The following STPG2 variants were observed in gnomAD, a reference collection of about 807,000 sequenced individuals.
STPG2 encodes the protein sperm tail PG-rich repeat containing 2, also known as sperm-tail PG-rich repeat-containing protein 2.
A neutral mutation model predicts 54.2 loss-of-function variants in STPG2; 56 were observed. The ratio of observed to expected loss-of-function variants is 1.03; its 90% CI spans 0.83 to 1.29. The LOEUF (loss-of-function observed/expected upper bound fraction) is 1.29, where lower values mean the gene tolerates loss of function less well. Ranked by LOEUF, STPG2 falls within the 50% of genes most tolerant of loss-of-function variation. STPG2 has a pLI of 0.00. For missense variants in STPG2, 596 were observed against 544.9 expected (o/e 1.09, Z -0.93); for synonymous variants, 200 against 181.8 (o/e 1.10, Z -0.81).
At chr4:97,660,812 G>T (rs934124048) in intron 10 of STPG2, among the ~76,000 whole-genome samples, 1 of 152,064 alleles carries the variant, frequency 6.6e-6, no homozygotes, top group Non-Finnish European at 1.5e-5. Context: ...TAAATAAATT[G>T]CCTTGAGTCA....
chr4:98,139,435 A>G (rs1042121712), intron 1 of STPG2, among the ~76,000 whole-genome samples: 3 of 152,164 alleles, frequency 2.0e-5, no homozygotes, highest in Admixed American at 2.0e-4. Context: ...AAGTTATATA[A>G]AGTCCCTACA....
chr4:97,714,643 G>T (rs940713202), intron 9 of STPG2, among the ~76,000 whole-genome samples: 3 of 151,970 alleles, frequency 2.0e-5, no homozygotes, highest in African/African-American at 7.2e-5. Flanking sequence ...TAGTGCAGAG[G>T]AATAATGCAC....
In STPG2 at chr4:97,562,248, T is replaced by C. The variant is rs574119872; in HGVS notation, c.1321-3131A>G. Among the ~76,000 whole-genome samples the C allele has an allele frequency of 2.2e-4, 33 of 152,312 alleles. No homozygotes were observed. The East Asian group carries it at 5.6e-3, about 26-fold the overall frequency. On this transcript the variant is annotated intron_variant, in intron 10 of 10. Coordinates refer to ENST00000295268, the MANE Select transcript of STPG2 (RefSeq NM_174952.3). ...CATGATTTGGCTCTCTGTTTGTCTG[T>C]TATTGGTGTATAAGAATGCCTGTGA...
chr4:97,800,565 G>A (rs1451167248), intron 9 of STPG2, among the ~76,000 whole-genome samples: 3 of 152,144 alleles, frequency 2.0e-5, no homozygotes, highest in East Asian at 1.9e-4. Context: ...AGTGGTACCC[G>A]GCCGTGTGAG....
chr4:97,991,376 T>C (rs1439203994), intron 5 of STPG2, among the ~76,000 whole-genome samples: 2 of 150,792 alleles, frequency 1.3e-5, no homozygotes, highest in African/African-American at 4.9e-5. Context: ...TATATATATA[T>C]GTATATATAT....
intron 10 of STPG2, among the ~76,000 whole-genome samples, chr4:97,657,864 TC>T: frequency 6.6e-6 from 1 of 152,304 alleles, no homozygotes; most frequent in East Asian, 1.9e-4. Flanking sequence ...AATGAAAACC[TC>T]ATCCATGAAC....
chr4:97,912,140 A>G (rs892719044), intron 8 of STPG2, among the ~76,000 whole-genome samples: 3 of 151,932 alleles, frequency 2.0e-5, no homozygotes, highest in Non-Finnish European at 2.9e-5. Context: ...AAAAAAAAAC[A>G]CCCTACAAAA....
At chr4:98,078,265 G>A (rs1407943707) in intron 5 of STPG2, among the ~76,000 whole-genome samples, 2 of 151,836 alleles carry the variant, frequency 1.3e-5, no homozygotes, top group African/African-American at 4.8e-5. Context: ...ATTATAATTT[G>A]GGAATTTTCA....
intron 4 of STPG2, among the ~76,000 whole-genome samples, chr4:97,510,087 A>G (rs1730940783): frequency 6.6e-6 from 1 of 152,094 alleles, no homozygotes; most frequent in Admixed American, 6.6e-5. Flanking sequence ...TGTGATATGT[A>G]GAAGGCGAAG....
chr4:98,076,110 G>A (rs1486403648), intron 5 of STPG2, among the ~76,000 whole-genome samples: 1 of 152,096 alleles, frequency 6.6e-6, no homozygotes, highest in East Asian at 1.9e-4. Flanking sequence ...CAGGCGTGGT[G>A]GCGGGCGCCT....
chr4:97,443,407 T>C (rs1436664010), intron 4 of STPG2, among the ~76,000 whole-genome samples: 2 of 152,106 alleles, frequency 1.3e-5, no homozygotes, highest in Non-Finnish European at 2.9e-5. Flanking sequence ...CTTAAGACAT[T>C]TGCTAAATTT....
At chr4:97,678,423 G>C (rs1264812433) in intron 10 of STPG2, among the ~76,000 whole-genome samples, 1 of 151,756 alleles carries the variant, frequency 6.6e-6, no homozygotes, top group African/African-American at 2.4e-5. Flanking sequence ...AATAGTTTAG[G>C]GTAGATATAT....
At chr4:97,595,278 G>T (rs1222159541) in intron 10 of STPG2, among the ~76,000 whole-genome samples, 1 of 152,044 alleles carries the variant, frequency 6.6e-6, no homozygotes, top group Non-Finnish European at 1.5e-5. Context: ...CCATAAAAAA[G>T]GATGAGTTCA....
At chr4:97,456,493 A>T (rs1324286557) in intron 4 of STPG2, among the ~76,000 whole-genome samples, 1 of 152,196 alleles carries the variant, frequency 6.6e-6, no homozygotes, top group Non-Finnish European at 1.5e-5. Context: ...AATGCAGAAG[A>T]TCATAATTCA....
intron 8 of STPG2, 53 bp from the exon 9 acceptor site, chr4:97,840,985 CAAG>C (rs1004649324): frequency 1.6e-4 from 244 of 1,549,388 alleles, no homozygotes; most frequent in Non-Finnish European, 2.0e-4. Flanking sequence ...TGAAAATATC[CAAG>C]AAGATACCAG....
At chr4:97,494,022 A>G (rs1730557257) in intron 4 of STPG2, among the ~76,000 whole-genome samples, 1 of 151,404 alleles carries the variant, frequency 6.6e-6, no homozygotes. Context: ...TTTCTTAATG[A>G]CTCACCTTTG....
At chr4:97,764,131 C>CACACACACACAA (rs1725970257) in intron 9 of STPG2, among the ~76,000 whole-genome samples, 3 of 151,248 alleles carry the variant, frequency 2.0e-5, no homozygotes, top group Admixed American at 6.6e-5. Context: ...CACACACACA[C>CACACACACACAA]ACACACACAC....
intron 9 of STPG2, among the ~76,000 whole-genome samples, chr4:97,753,454 T>C (rs1457153885): frequency 6.6e-6 from 1 of 152,016 alleles, no homozygotes; most frequent in African/African-American, 2.4e-5. Flanking sequence ...TGAATGTGTA[T>C]AATTTATTTT....
chr4:97,484,017 T>G (rs1462135099), intron 4 of STPG2, among the ~76,000 whole-genome samples: 1 of 151,758 alleles, frequency 6.6e-6, no homozygotes, highest in African/African-American at 2.4e-5. Flanking sequence ...AAAACATTCT[T>G]CAAACTGAAC....
Sources: gnomAD v4.1 joint callset for allele counts (sites outside exome capture counted in the v4.1 genomes callset) on GRCh38, gnomAD v4.1.1 for gene constraint, MANE v1.5 for transcripts, NCBI Gene and HGNC (gene_info 2026-07-23, HGNC 2026-07-21) for gene names.